PPP3CA: variants seen among roughly 807,000 people sequenced by gnomAD.
PPP3CA encodes CAM-PRP catalytic subunit.
PPP3CA carries 14 observed loss-of-function variants against 66.5 expected under a neutral mutation model. That is an observed-to-expected ratio of 0.21 (90% confidence interval 0.14 to 0.33). PPP3CA has a LOEUF of 0.33. Ranked by LOEUF, PPP3CA falls within the 10% of genes least tolerant of loss-of-function variation. PPP3CA has a pLI of 1.00. For synonymous variants in PPP3CA, 232 were observed against 226.2 expected, an observed-to-expected ratio of 1.03 and a Z score of -0.23; for missense variants, 317 against 639.5, an observed-to-expected ratio of 0.50 and a Z score of 5.44.
intron 1 of PPP3CA, among the ~76,000 whole-genome samples, chr4:101,224,775 C>T (rs1380559323): frequency 6.6e-6 from 1 of 151,802 alleles, no homozygotes; most frequent in Admixed American, 6.6e-5. Flanking sequence ...AGTTTCATTA[C>T]ACAAAGCATG....
chr4:101,179,908 T>C (rs1389628062), intron 2 of PPP3CA, among the ~76,000 whole-genome samples: 2 of 152,096 alleles, frequency 1.3e-5, no homozygotes, highest in Non-Finnish European at 2.9e-5. Flanking sequence ...AGGTCTACAT[T>C]CAAATACAAA....
chr4:101,183,248 A>G (rs1218699697), intron 2 of PPP3CA, among the ~76,000 whole-genome samples: 3 of 152,100 alleles, frequency 2.0e-5, no homozygotes, highest in Non-Finnish European at 4.4e-5. Flanking sequence ...CATGGTTAGA[A>G]TGGCATCTTC....
chr4:101,040,641 C>A, intron 10 of PPP3CA, 75 bp from the exon 11 acceptor site: 2 of 1,127,038 alleles, frequency 1.8e-6, no homozygotes, highest in Non-Finnish European at 2.5e-6. Flanking sequence ...TTTACACATA[C>A]AACAGACTCC....
intron 2 of PPP3CA, among the ~76,000 whole-genome samples, chr4:101,130,937 A>G (rs1473272912): frequency 6.6e-6 from 1 of 152,182 alleles, no homozygotes; most frequent in Non-Finnish European, 1.5e-5. Flanking sequence ...ATTAAAAGGC[A>G]TAGACTGGGC....
rs70961772 is a variant in PPP3CA, at chr4:101,033,293, A to AAC, written c.1242-931_1242-930dup. ...ACATAGAGACACACACACACACACAAACACACACACACACACACACACACA... is the reference window on the plus strand; with the variant it reads ...ACATAGAGACACACACACACACACAAACACACACACACACACACACACACACA... On this transcript the variant is annotated intron_variant, in intron 11 of 13. Coordinates refer to ENST00000394854, the MANE Select transcript of PPP3CA (RefSeq NM_000944.5). Among the ~76,000 whole-genome samples the AAC allele has an allele frequency of 9.4e-3, 1,309 of 139,338 alleles. 31 individuals are homozygous for AAC. In the South Asian group the frequency reaches 0.095, roughly 10 times the overall value. The allele number at this position is 139,338 out of a possible 152,430, so 91.4% of individuals were successfully genotyped here.
At chr4:101,168,384 C>T (rs563939124) in intron 2 of PPP3CA, among the ~76,000 whole-genome samples, 2 of 152,160 alleles carry the variant, frequency 1.3e-5, no homozygotes, top group South Asian at 4.1e-4. Context: ...AAGTAGATAA[C>T]TAGAAATATG....
intron 11 of PPP3CA, 86 bp from the exon 12 acceptor site, chr4:101,032,450 T>G: frequency 9.2e-7 from 1 of 1,091,358 alleles, no homozygotes; most frequent in Non-Finnish European, 1.4e-6. Flanking sequence ...AAAATGCATA[T>G]AAGCACCCAC....
At position 101,267,561 on chromosome 4, in the gene PPP3CA, T is replaced by A. The variant is rs1727207376; in HGVS notation, c.59-71445A>T. On this transcript the variant is annotated intron_variant, in intron 1 of 13. Coordinates refer to ENST00000394854, the MANE Select transcript of PPP3CA (RefSeq NM_000944.5). ...TAATAATGGAAGTGCATGAAGCCCG[T>A]ACTATACTGAGATGGGAGGCAGGAG... 2.6e-5 allele frequency among the ~76,000 whole-genome samples: 4 copies of A among 152,266 alleles called. No homozygotes were observed. The South Asian group carries it at 8.3e-4, about 32-fold the overall frequency.
chr4:101,239,032 C>G (rs898403721), intron 1 of PPP3CA, among the ~76,000 whole-genome samples: 15 of 152,064 alleles, frequency 9.9e-5, no homozygotes, highest in African/African-American at 3.6e-4. Context: ...CACTGTCATT[C>G]AGAGAAAGTT....
intron 1 of PPP3CA, among the ~76,000 whole-genome samples, chr4:101,213,684 C>G (rs1026659959): frequency 6.6e-6 from 1 of 152,078 alleles, no homozygotes; most frequent in African/African-American, 2.4e-5. Context: ...ATAGGTATCA[C>G]AGTGTTCGTT....
intron 2 of PPP3CA, among the ~76,000 whole-genome samples, chr4:101,139,365 AAAG>A (rs1361753578): frequency 3.3e-5 from 5 of 151,410 alleles, no homozygotes; most frequent in African/African-American, 7.3e-5. Flanking sequence ...AAAAAAAAAA[AAAG>A]GACAACCCAT....
intron 8 of PPP3CA, among the ~76,000 whole-genome samples, chr4:101,070,274 G>A (rs1010864877): frequency 4.6e-5 from 7 of 152,012 alleles, no homozygotes; most frequent in African/African-American, 1.7e-4. Flanking sequence ...GAAAATGGGA[G>A]AAGAGGGAAA....
At chr4:101,263,961 T>C (rs555953209) in intron 1 of PPP3CA, among the ~76,000 whole-genome samples, 5 of 152,140 alleles carry the variant, frequency 3.3e-5, no homozygotes, top group Admixed American at 2.0e-4. Context: ...GAGAAGATGG[T>C]AAAAAGGGTG....
rs144912389 is a variant in PPP3CA, at chr4:101,126,579, G to A, written c.260-17501C>T. Among the ~76,000 whole-genome samples, 237 of 152,192 alleles carry A rather than the reference G, an allele frequency of 1.6e-3. 8 individuals are homozygous for A. In the East Asian group the frequency reaches 0.028, roughly 18 times the overall value. ...ACTGATTACTATGGAAATTCTGATCGTACAGATACAGAGATTATGATAATA... is the reference window on the plus strand; with the variant it reads ...ACTGATTACTATGGAAATTCTGATCATACAGATACAGAGATTATGATAATA... On this transcript the variant is annotated intron_variant, in intron 2 of 13. Coordinates refer to ENST00000394854, the MANE Select transcript of PPP3CA (RefSeq NM_000944.5).
intron 10 of PPP3CA, 52 bp downstream of exon 10, chr4:101,061,035 T>G: frequency 2.1e-6 from 3 of 1,437,622 alleles, no homozygotes; most frequent in Non-Finnish European, 2.9e-6. Flanking sequence ...GCAATGAGAC[T>G]CTAAGTAATT....
intron 2 of PPP3CA, among the ~76,000 whole-genome samples, chr4:101,181,787 T>C (rs568466481): frequency 1.3e-5 from 2 of 152,234 alleles, no homozygotes; most frequent in African/African-American, 4.8e-5. Flanking sequence ...GTCACATCTT[T>C]AGATAAGAAA....
chr4:101,104,198 C>A (rs567807602), intron 3 of PPP3CA, among the ~76,000 whole-genome samples: 154 of 152,098 alleles, frequency 1.0e-3, no homozygotes, highest in African/African-American at 3.7e-3. Context: ...AGAGGATAGC[C>A]AAAGGAGAAT....
intron 1 of PPP3CA, among the ~76,000 whole-genome samples, chr4:101,222,448 T>C (rs1450157384): frequency 2.0e-5 from 3 of 151,652 alleles, no homozygotes; most frequent in Non-Finnish European, 4.4e-5. Flanking sequence ...ATTGTTTTTT[T>C]CCAGTCCATA....
intron 1 of PPP3CA, among the ~76,000 whole-genome samples, chr4:101,344,363 A>T (rs890991380): frequency 1.3e-5 from 2 of 152,226 alleles, no homozygotes; most frequent in African/African-American, 4.8e-5. Flanking sequence ...AAAAGGTTGA[A>T]TCCAACCTTG....
Sources: gnomAD v4.1 joint callset for allele counts (sites outside exome capture counted in the v4.1 genomes callset) on GRCh38, gnomAD v4.1.1 for gene constraint, MANE v1.5 for transcripts, NCBI Gene and HGNC (gene_info 2026-07-23, HGNC 2026-07-21) for gene names.